The following FRAS1 variants were observed in gnomAD, a reference collection of about 807,000 sequenced individuals.
FRAS1 encodes the protein extracellular matrix organizing protein FRAS1.
Under a neutral mutation model 435.2 loss-of-function variants are expected in FRAS1, and 290 were observed. The observed-to-expected ratio is 0.67, with a 90% CI of 0.61 to 0.73. The LOEUF (loss-of-function observed/expected upper bound fraction) is 0.73, where lower values mean the gene tolerates loss of function less well. FRAS1 is among the 30% of genes least tolerant of loss of function. The pLI is 0.00. For synonymous variants in FRAS1, 1,800 were observed against 1,851.0 expected (o/e 0.97, Z 0.71); for missense variants, 4,860 against 5,001.5 (o/e 0.97, Z 0.85).
At chr4:78,104,740 G>C (rs778762315) in intron 2 of FRAS1, among the ~76,000 whole-genome samples, 7 of 152,162 alleles carry the variant, frequency 4.6e-5, no homozygotes, top group Non-Finnish European at 7.4e-5. Flanking sequence ...AGAACTTACA[G>C]TCATCTTAGA....
At chr4:78,239,417 G>A (rs951261595) in intron 3 of FRAS1, among the ~76,000 whole-genome samples, 1 of 151,994 alleles carries the variant, frequency 6.6e-6, no homozygotes, top group African/African-American at 2.4e-5. Flanking sequence ...CCTTTTGTCT[G>A]TATTCTCACA....
chr4:78,414,749 C>T (rs372419648), intron 32 of FRAS1, among the ~76,000 whole-genome samples: 13 of 152,324 alleles, frequency 8.5e-5, no homozygotes, highest in African/African-American at 2.9e-4. Flanking sequence ...TTCATAAACA[C>T]TTTTGAGCTC....
chr4:78,162,660 A>G (rs1721188690), intron 2 of FRAS1, among the ~76,000 whole-genome samples: 1 of 152,184 alleles, frequency 6.6e-6, no homozygotes, highest in Non-Finnish European at 1.5e-5. Flanking sequence ...TGCTACATTT[A>G]TTCCATTTCT....
intron 29 of FRAS1, among the ~76,000 whole-genome samples, chr4:78,399,298 A>C (rs1732792054): frequency 6.6e-6 from 1 of 152,156 alleles, no homozygotes; most frequent in South Asian, 2.1e-4. Flanking sequence ...AAGTGAGCAA[A>C]AGAATAGATG....
In FRAS1 at chr4:78,364,071, A is replaced by C; in HGVS notation, c.2722+17A>C. On this transcript the variant is annotated intron_variant, in intron 22 of 73. Coordinates refer to ENST00000512123, the MANE Select transcript of FRAS1 (RefSeq NM_025074.7). ...TTTGCCAGCGTAGGTTTTTCCAATG[A>C]ACCTTCTCTCCTTTCCTTCTTTTCC... The C allele has an allele frequency of 6.4e-7, 1 of 1,564,634 alleles. No homozygotes were observed. The highest frequency in any genetic ancestry group is 8.7e-7 in the Non-Finnish European group (1 of 1,153,862).
intron 50 of FRAS1, among the ~76,000 whole-genome samples, chr4:78,468,492 C>A (rs904278038): frequency 4.6e-5 from 7 of 151,820 alleles, no homozygotes; most frequent in Admixed American, 1.3e-4. Flanking sequence ...TAAACATCAT[C>A]ATCATCATCA....
chr4:78,496,037 A>G (rs777247022), intron 59 of FRAS1, among the ~76,000 whole-genome samples: 1 of 152,196 alleles, frequency 6.6e-6, no homozygotes, highest in African/African-American at 2.4e-5. Flanking sequence ...ATCCTTTGCA[A>G]TATGTTAGAA....
chr4:78,522,586 G>A (rs1721418911), intron 68 of FRAS1, 63 bp from the exon 69 acceptor site: 3 of 1,378,932 alleles, frequency 2.2e-6, no homozygotes, highest in Non-Finnish European at 3.0e-6. Context: ...GGCTCTACCA[G>A]GTACAGTCAA....
rs1720113757 is a variant in FRAS1, at chr4:78,140,471, T to A, written c.108+74455T>A. Reference sequence around the variant, plus strand: ...AACTTGTTGTATGACCATGTGCAAATTATTTCACCTCTGAACCACAGTTTC... The same window carrying A: ...AACTTGTTGTATGACCATGTGCAAAATATTTCACCTCTGAACCACAGTTTC... On this transcript the variant is annotated intron_variant, in intron 2 of 73. Coordinates refer to ENST00000512123, the MANE Select transcript of FRAS1 (RefSeq NM_025074.7). Among the ~76,000 whole-genome samples, 3 of 152,106 alleles carry A rather than the reference T, an allele frequency of 2.0e-5. No individual in the cohort carries two copies. In the South Asian group the frequency reaches 6.2e-4, roughly 32 times the overall value.
intron 14 of FRAS1, among the ~76,000 whole-genome samples, chr4:78,307,491 G>C (rs58087494): frequency 0.29 from 44,211 of 152,072 alleles, 7,038 homozygotes; most frequent in Non-Finnish European, 0.36. Flanking sequence ...TTTGATCTCA[G>C]CTAGCAATCA....
intron 29 of FRAS1, 69 bp from the exon 30 acceptor site, chr4:78,400,664 CT>C (rs1732848018): frequency 6.9e-7 from 1 of 1,447,844 alleles, no homozygotes; most frequent in East Asian, 2.3e-5. Flanking sequence ...AACTGGATAA[CT>C]TATGTGTTTA....
intron 2 of FRAS1, among the ~76,000 whole-genome samples, chr4:78,104,382 C>A (rs959855846): frequency 6.6e-6 from 1 of 152,136 alleles, no homozygotes; most frequent in Non-Finnish European, 1.5e-5. Context: ...AAAACACAAC[C>A]TTGGCAGATG....
chr4:78,212,539 C>T (rs1046663940), intron 2 of FRAS1, among the ~76,000 whole-genome samples: 1 of 152,194 alleles, frequency 6.6e-6, no homozygotes, highest in Non-Finnish European at 1.5e-5. Flanking sequence ...GCAAACCTGA[C>T]TTTTACTTCT....
intron 2 of FRAS1, among the ~76,000 whole-genome samples, chr4:78,113,320 T>C (rs1742876245): frequency 6.6e-6 from 1 of 152,238 alleles, no homozygotes; most frequent in Non-Finnish European, 1.5e-5. Flanking sequence ...CAGCATGATT[T>C]ATAATCCTTT....
Position 78,526,411 on chromosome 4 carries a change from C to G in FRAS1, c.10809-130C>G, listed in dbSNP as rs949270304. 10 of 594,686 alleles carry G rather than the reference C, an allele frequency of 1.7e-5. No individual in the cohort carries two copies. The African/African-American group carries it at 1.9e-4, about 11-fold the overall frequency. 36.8% of individuals were successfully genotyped at this position (594,686 alleles called of 1,614,324 possible). A position where few individuals can be genotyped will look rare whatever the true frequency, so the allele number is the denominator to read the frequency against. ...AGTTCCCGAAAATGGTGTTTGCAGA[C>G]TTGTAAAGTTCTTAGATGCTGGACA... On this transcript the variant is annotated intron_variant, in intron 69 of 73. Transcript: ENST00000512123.
intron 2 of FRAS1, among the ~76,000 whole-genome samples, chr4:78,204,859 C>G (rs1050643441): frequency 6.6e-6 from 1 of 152,184 alleles, no homozygotes; most frequent in Non-Finnish European, 1.5e-5. Context: ...ATGTTTTGAA[C>G]CACGTCTTCT....
At chr4:78,494,545 A>G (rs1445823435) in intron 59 of FRAS1, among the ~76,000 whole-genome samples, 1 of 152,138 alleles carries the variant, frequency 6.6e-6, no homozygotes, top group Non-Finnish European at 1.5e-5. Flanking sequence ...GGGATTTAAG[A>G]GAGAATTCAT....
chr4:78,152,793 T>C (rs781687866), intron 2 of FRAS1, among the ~76,000 whole-genome samples: 2 of 152,060 alleles, frequency 1.3e-5, no homozygotes, highest in Non-Finnish European at 2.9e-5. Flanking sequence ...AATAATTTGC[T>C]CCTTTGGTTG....
intron 20 of FRAS1, among the ~76,000 whole-genome samples, chr4:78,339,970 A>T (rs75031312): frequency 0.024 from 3,645 of 152,300 alleles, 170 homozygotes; most frequent in African/African-American, 0.082. Flanking sequence ...TTTATTTAAA[A>T]TGTAACTCTG....
Sources: gnomAD v4.1 joint callset for allele counts (sites outside exome capture counted in the v4.1 genomes callset) on GRCh38, gnomAD v4.1.1 for gene constraint, MANE v1.5 for transcripts, NCBI Gene and HGNC (gene_info 2026-07-23, HGNC 2026-07-21) for gene names.